The following ZNF620 variants were observed in gnomAD, a reference collection of about 807,000 sequenced individuals.
ZNF620 encodes the protein zinc finger protein 620.
ZNF620 carries 10 observed loss-of-function variants against 13.3 expected under a neutral mutation model. The ratio of observed to expected loss-of-function variants is 0.75; its 90% CI spans 0.46 to 1.28. The LOEUF (loss-of-function observed/expected upper bound fraction) is 1.28, where lower values mean the gene tolerates loss of function less well. Ranked by LOEUF, ZNF620 falls within the 50% of genes most tolerant of loss-of-function variation. The pLI is 0.00. For synonymous variants in ZNF620, 166 were observed against 177.6 expected (o/e 0.93, Z 0.52); for missense variants, 461 against 500.2 (o/e 0.92, Z 0.75).
rs1159105546 is a variant in ZNF620, at chr3:40,517,119, G to T, written c.*256G>T. 3.0e-6 allele frequency: 1 copy of T among 331,492 alleles called. No individual in the cohort carries two copies. The highest frequency in any genetic ancestry group is 5.4e-6 in the Non-Finnish European group (1 of 183,626). The allele number at this position is 331,492 out of a possible 1,614,324, so 20.5% of individuals were successfully genotyped here. A position where few individuals can be genotyped will look rare whatever the true frequency, so the allele number is the denominator to read the frequency against. ...AAAGGACATGCTGGGTGCCCAGCAG[G>T]ATGGATTCAAGGGAAACCTACATTA... On this transcript the variant is annotated 3_prime_UTR_variant, in exon 5 of 5. Transcript: ENST00000314529.
Position 40,506,131 on chromosome 3 carries a change from C to T in ZNF620, c.-57C>T. 1 of 626,496 alleles carries T rather than the reference C, an allele frequency of 1.6e-6. No homozygotes were observed. The highest frequency in any genetic ancestry group is 2.9e-6 in the Non-Finnish European group (1 of 349,890). 38.8% of individuals were successfully genotyped at this position (626,496 alleles called of 1,614,324 possible). A position where few individuals can be genotyped will look rare whatever the true frequency, so the allele number is the denominator to read the frequency against. On this transcript the variant is annotated 5_prime_UTR_variant, in exon 1 of 5. Coordinates refer to ENST00000314529, the MANE Select transcript of ZNF620 (RefSeq NM_175888.4). ...TCGCGGTCCGAGCTGAAGAGGTTCG[C>T]GGTCCGGGTAACTGATTGGTTTTCC...
chr3:40,508,897 C>G, intron 2 of ZNF620: 1 of 417,436 alleles, frequency 2.4e-6, no homozygotes, highest in South Asian at 1.7e-5. Context: ...GGATTACAGG[C>G]ATGAGCCACC....
Position 40,506,156 on chromosome 3 carries a change from C to A in ZNF620, c.-50+18C>A. 1.5e-6 allele frequency: 1 copy of A among 677,640 alleles called. No individual in the cohort carries two copies. The highest frequency in any genetic ancestry group is 2.6e-6 in the Non-Finnish European group (1 of 382,342). 42.0% of individuals were successfully genotyped at this position (677,640 alleles called of 1,614,324 possible). A position where few individuals can be genotyped will look rare whatever the true frequency, so the allele number is the denominator to read the frequency against. Reference sequence around the variant, plus strand: ...CGGTCCGGGTAACTGATTGGTTTTCCTGGGGCTTGTTCTGCCTGGTTTTGC... The same window carrying A: ...CGGTCCGGGTAACTGATTGGTTTTCATGGGGCTTGTTCTGCCTGGTTTTGC... On this transcript the variant is annotated intron_variant, in intron 1 of 4. Coordinates refer to ENST00000314529, the MANE Select transcript of ZNF620 (RefSeq NM_175888.4).
chr3:40,511,762 A>T (rs1257260607), intron 3 of ZNF620, among the ~76,000 whole-genome samples, 166 bp downstream of exon 3: 1 of 150,942 alleles, frequency 6.6e-6, no homozygotes, highest in South Asian at 2.1e-4. Context: ...GCTCACTACA[A>T]CCTCCACCTC....
intron 4 of ZNF620, among the ~76,000 whole-genome samples, chr3:40,514,976 A>AT (rs1430454088): frequency 3.2e-4 from 49 of 152,134 alleles, no homozygotes; most frequent in African/African-American, 1.1e-3. Flanking sequence ...TTTCTGAACA[A>AT]TTTTTTGTGA....
chr3:40,507,455 A>T (rs1043409930), intron 2 of ZNF620, among the ~76,000 whole-genome samples: 1 of 152,160 alleles, frequency 6.6e-6, no homozygotes, highest in African/African-American at 2.4e-5. Flanking sequence ...CTGCGGTGGG[A>T]TAAAACCGAC....
In ZNF620 at chr3:40,512,265, A is replaced by G. The variant is rs1698224274; in HGVS notation, c.152-137A>G. The G allele has an allele frequency of 7.2e-5, 53 of 739,668 alleles. 1 individual carries two copies. The South Asian group carries it at 8.3e-4, about 12-fold the overall frequency. The allele number at this position is 739,668 out of a possible 1,614,324, so 45.8% of individuals were successfully genotyped here. The stretch of plus-strand genomic sequence containing the variant: ...ACTTTGTGGGAAATTTCTGTCCTCC[A>G]GCAGCATAGATTAAGTTTCTCCCTG... On this transcript the variant is annotated intron_variant, in intron 3 of 4. Coordinates refer to ENST00000314529, the MANE Select transcript of ZNF620 (RefSeq NM_175888.4).
In ZNF620 at chr3:40,514,417, A is replaced by G. The variant is rs571337087; in HGVS notation, c.266-1443A>G. Among the ~76,000 whole-genome samples the G allele has an allele frequency of 8.7e-4, 133 of 152,096 alleles. 3 individuals are homozygous for G. In the South Asian group the frequency reaches 0.026, roughly 30 times the overall value. On this transcript the variant is annotated intron_variant, in intron 4 of 4. Coordinates refer to ENST00000314529, the MANE Select transcript of ZNF620 (RefSeq NM_175888.4). ...ACAGCACGGCCAGGCATTCAGGGCC[A>G]CTACCAGTCTCCGCATCTTGGTGGT... is the stretch of plus-strand genomic sequence containing the variant.
rs578254991 is a variant in ZNF620, at chr3:40,513,285, C to T, written c.265+770C>T. Reference sequence around the variant, plus strand: ...TTCAAGACCAGCTTGGCCAACATGACGAAACCCCGTCTCAACTAAAAAAAA... The same window carrying T: ...TTCAAGACCAGCTTGGCCAACATGATGAAACCCCGTCTCAACTAAAAAAAA... On this transcript the variant is annotated intron_variant, in intron 4 of 4. Coordinates refer to ENST00000314529, the MANE Select transcript of ZNF620 (RefSeq NM_175888.4). 5.7e-4 allele frequency among the ~76,000 whole-genome samples: 68 copies of T among 118,432 alleles called. 1 individual carries two copies. In the South Asian group the frequency reaches 7.2e-3, roughly 13 times the overall value. 77.7% of individuals were successfully genotyped at this position (118,432 alleles called of 152,430 possible).
chr3:40,508,741 C>T (rs946505160), intron 2 of ZNF620: 2 of 456,284 alleles, frequency 4.4e-6, no homozygotes, highest in South Asian at 1.5e-5. Flanking sequence ...CTAAGTGATC[C>T]TCCCAAGGAG....
intron 2 of ZNF620, chr3:40,508,592 C>A (rs1698101477): frequency 3.2e-6 from 1 of 312,550 alleles, no homozygotes; most frequent in African/African-American, 2.2e-5. Context: ...GGACTGTCTA[C>A]CTATCTACAT....
At position 40,516,093 on chromosome 3, in the gene ZNF620, G is replaced by A; in HGVS notation, c.499G>A (p.Gly167Arg). The change falls in exon 5 of 5, where the codon GGA becomes AGA. Residue 167 changes from glycine (G) to arginine (R), a missense_variant. By Grantham distance (125) the Gly-to-Arg change is moderately radical. Transcript: ENST00000314529. ...CCATGAGGCCTATGAGGTCAAGAAT[G>A]GAGAGAAGTTTGAGAAATTAGGAAA... Reference protein sequence around the residue: ...RHHEAYEVKNGEKFEKLGKNI... With the variant: ...RHHEAYEVKNREKFEKLGKNI... 6.2e-7 allele frequency: 1 copy of A among 1,614,096 alleles called. No homozygotes were observed. The highest frequency in any genetic ancestry group is 8.5e-7 in the Non-Finnish European group (1 of 1,180,010).
intron 4 of ZNF620, among the ~76,000 whole-genome samples, 196 bp from the exon 5 acceptor site, chr3:40,515,664 G>T (rs898108803): frequency 6.6e-6 from 1 of 152,082 alleles, no homozygotes; most frequent in African/African-American, 2.4e-5. Flanking sequence ...CATGTCCCTT[G>T]CAGGGCTCTG....
chr3:40,507,131 C>T (rs1218513314), intron 2 of ZNF620, among the ~76,000 whole-genome samples: 1 of 116,982 alleles, frequency 8.5e-6, no homozygotes, highest in African/African-American at 3.3e-5. Context: ...CTTGCTCTAT[C>T]GACAGGCTGG....
chr3:40,513,352 T>C (rs915506018), intron 4 of ZNF620, among the ~76,000 whole-genome samples: 2 of 136,344 alleles, frequency 1.5e-5, no homozygotes, highest in Admixed American at 7.5e-5. Flanking sequence ...TATATATATA[T>C]ATGGCCAGGT....
At position 40,518,468 on chromosome 3, in the gene ZNF620, T is replaced by C. The variant is rs995680600; in HGVS notation, c.*1605T>C. ...ATTATTGGCCGGGCACAGTGGCTCATGCCTGTAATCCCAGCACTTTGGGAG... is the reference window on the plus strand; with the variant it reads ...ATTATTGGCCGGGCACAGTGGCTCACGCCTGTAATCCCAGCACTTTGGGAG... On this transcript the variant is annotated 3_prime_UTR_variant, in exon 5 of 5. Transcript: ENST00000314529. 6.6e-6 allele frequency: 1 copy of C among 152,212 alleles called. No homozygotes were observed. 9.4% of individuals were successfully genotyped at this position (152,212 alleles called of 1,614,324 possible). A position where few individuals can be genotyped will look rare whatever the true frequency, so the allele number is the denominator to read the frequency against.
chr3:40,510,948 C>A (rs1698177598), intron 2 of ZNF620, among the ~76,000 whole-genome samples: 1 of 152,122 alleles, frequency 6.6e-6, no homozygotes, highest in African/African-American at 2.4e-5. Context: ...CGGGATTTCA[C>A]CCTGTTGGCA....
intron 2 of ZNF620, among the ~76,000 whole-genome samples, chr3:40,510,726 C>A (rs945473427): frequency 6.6e-6 from 1 of 152,000 alleles, no homozygotes; most frequent in African/African-American, 2.4e-5. Flanking sequence ...TCTGTTTATA[C>A]CTCTAGTTGG....
Position 40,516,927 on chromosome 3 carries a change from A to G in ZNF620, c.*64A>G. 6.6e-7 allele frequency: 1 copy of G among 1,504,528 alleles called. No homozygotes were observed. Among genetic ancestry groups the G allele is most frequent in the Non-Finnish European group, 8.9e-7 (1 of 1,123,910 alleles). The allele number at this position is 1,504,528 out of a possible 1,614,324, so 93.2% of individuals were successfully genotyped here. A position where few individuals can be genotyped will look rare whatever the true frequency, so the allele number is the denominator to read the frequency against. On this transcript the variant is annotated 3_prime_UTR_variant, in exon 5 of 5. Coordinates refer to ENST00000314529, the MANE Select transcript of ZNF620 (RefSeq NM_175888.4). ...TCTCTTTATTTTCATGCTTTTTATC[A>G]GTGTCCTCGCTGTCCTTCCTGGTTA...
Sources: allele counts gnomAD v4.1 joint callset (sites outside exome capture counted in the v4.1 genomes callset), GRCh38; gene constraint gnomAD v4.1.1; transcripts MANE v1.5; gene names NCBI Gene and HGNC (gene_info 2026-07-23, HGNC 2026-07-21).